Variants in ZNF761 observed in about 807,000 individuals in gnomAD.
ZNF761 encodes zinc finger protein 761.
In ZNF761, 43 loss-of-function variants were observed where a neutral mutation model predicts 59.9. The ratio of observed to expected loss-of-function variants is 0.72; its 90% confidence interval spans 0.56 to 0.92. The LOEUF is 0.92. Ranked by LOEUF, ZNF761 falls within the 40% of genes least tolerant of loss-of-function variation. The probability of loss-of-function intolerance (pLI) is 0.00; values close to 1 mark genes in which losing one functional copy is unlikely to be tolerated. For synonymous variants in ZNF761, 294 were observed against 304.8 expected, an observed-to-expected ratio of 0.96 and a Z score of 0.37; for missense variants, 850 against 906.1, an observed-to-expected ratio of 0.94 and a Z score of 0.79.
At chr19:53,435,709 G>T (rs931069789) in intron 1 of ZNF761, among the ~76,000 whole-genome samples, 5 of 151,878 alleles carry the variant, frequency 3.3e-5, no homozygotes, top group African/African-American at 1.2e-4. Context: ...TGTACAGTGG[G>T]GACACATTTC....
chr19:53,433,171 G>A (rs527931546), intron 1 of ZNF761, among the ~76,000 whole-genome samples: 4 of 152,080 alleles, frequency 2.6e-5, no homozygotes, highest in South Asian at 2.1e-4. Flanking sequence ...TTTAAGATAC[G>A]CACCGGCTCA....
At position 53,448,892 on chromosome 19, in the gene ZNF761, C is replaced by T. The variant is rs538124555; in HGVS notation, c.16-620C>T. 2.0e-5 allele frequency among the ~76,000 whole-genome samples: 3 copies of T among 152,130 alleles called. No homozygotes were observed. The East Asian group carries it at 5.8e-4, about 29-fold the overall frequency. Reference sequence around the variant, plus strand: ...GGATCAAGCAATTCTCCTGCATCAGCCTCCCATGTAGCTGGGATAACAGGC... The same window carrying T: ...GGATCAAGCAATTCTCCTGCATCAGTCTCCCATGTAGCTGGGATAACAGGC... On this transcript the variant is annotated intron_variant, in intron 3 of 4. Transcript: ENST00000684525.
rs751402595 is a variant in ZNF761 at position 53,454,715 on chromosome 19, C to T, written c.208C>T (p.His70Tyr). The change falls in exon 5 of 5, where the codon CAT (histidine) becomes TAT (tyrosine). Residue 70 changes from histidine to tyrosine, a missense_variant. By Grantham distance (83) the His-to-Tyr change is moderately conservative. Transcript: ENST00000684525. Reference sequence around the variant, plus strand: ...AGCGCAAGGCAACAGAGAAGTGTTCCATGCAGGGACATTGCAAATACATGA... The same window carrying T: ...AGCGCAAGGCAACAGAGAAGTGTTCTATGCAGGGACATTGCAAATACATGA... The part of the protein sequence containing the change: ...STAQGNREVF[H>Y]AGTLQIHESH... The T allele has an allele frequency of 6.2e-7, 1 of 1,613,744 alleles. No homozygotes were observed. Among genetic ancestry groups the T allele is most frequent in the East Asian group, 2.2e-5 (1 of 44,880 alleles).
At chr19:53,451,331 G>A (rs1417753980) in intron 4 of ZNF761, among the ~76,000 whole-genome samples, 3 of 151,856 alleles carry the variant, frequency 2.0e-5, no homozygotes, top group Non-Finnish European at 4.4e-5. Flanking sequence ...CTGCCTCAGT[G>A]TCATGAGTAG....
chr19:53,445,962 T>TCTGC (rs1379197429), intron 1 of ZNF761, among the ~76,000 whole-genome samples: 1 of 152,200 alleles, frequency 6.6e-6, no homozygotes, highest in Non-Finnish European at 1.5e-5. Flanking sequence ...CATGACTCCC[T>TCTGC]CTGCCCCAGT....
At chr19:53,445,996 A>G (rs1190983701) in intron 1 of ZNF761, among the ~76,000 whole-genome samples, 1 of 152,142 alleles carries the variant, frequency 6.6e-6, no homozygotes, top group East Asian at 1.9e-4. Context: ...CTGTTTTCCC[A>G]GATATCAAAA....
At chr19:53,441,744 G>A (rs866922154) in intron 1 of ZNF761, 119 of 743,844 alleles carry the variant, frequency 1.6e-4, no homozygotes, top group Non-Finnish European at 2.1e-4. Context: ...GACCATGCCC[G>A]GCTGAGATAA....
chr19:53,439,641 C>T (rs1423354077), intron 1 of ZNF761, among the ~76,000 whole-genome samples: 2 of 152,142 alleles, frequency 1.3e-5, no homozygotes, highest in Admixed American at 6.5e-5. Context: ...TCAAAGTATA[C>T]GGGTTGGGTA....
intron 1 of ZNF761, among the ~76,000 whole-genome samples, chr19:53,435,538 G>A (rs532314133): frequency 1.3e-5 from 2 of 152,028 alleles, no homozygotes; most frequent in East Asian, 3.9e-4. Context: ...CCCGACCTCA[G>A]GTGATCCACC....
chr19:53,434,910 T>C (rs1343586517), intron 1 of ZNF761, among the ~76,000 whole-genome samples: 3 of 152,168 alleles, frequency 2.0e-5, no homozygotes, highest in Non-Finnish European at 4.4e-5. Flanking sequence ...TAACTTCTGG[T>C]CTACATGCTT....
chr19:53,453,795 C>G (rs2086241025), intron 4 of ZNF761, among the ~76,000 whole-genome samples: 1 of 152,068 alleles, frequency 6.6e-6, no homozygotes. Flanking sequence ...AGAATGGCTT[C>G]AACCCAAAAG....
intron 4 of ZNF761, among the ~76,000 whole-genome samples, chr19:53,453,761 A>C (rs2086240865): frequency 6.6e-6 from 1 of 152,152 alleles, no homozygotes; most frequent in African/African-American, 2.4e-5. Flanking sequence ...CTGTAATCCC[A>C]GGTACTCAGG....
chr19:53,454,981 G>C lies in ZNF761; in HGVS notation c.474G>C (p.Glu158Asp), dbSNP rs1343953149. The C allele has an allele frequency of 6.2e-7, 1 of 1,614,168 alleles. No individual in the cohort carries two copies. Among genetic ancestry groups the C allele is most frequent in the East Asian group, 2.2e-5 (1 of 44,870 alleles). The part of the protein sequence containing the change: ...LPEMHIFQTE[E>D]KIDNQVVKSV... ...AAATGCACATATTTCAGACCGAAGA[G>C]AAAATTGATAATCAAGTTGTGAAGT... Residue 158 changes from glutamate to aspartate, a missense_variant, in exon 5 of 5, where the codon GAG becomes GAC. By Grantham distance (45) the Glu-to-Asp change is conservative. Coordinates refer to ENST00000684525, the MANE Select transcript of ZNF761 (RefSeq NM_001289951.2).
At chr19:53,450,640 TGTCGCCAAGGCTACA>T (rs371622266) in intron 4 of ZNF761, among the ~76,000 whole-genome samples, 3 of 152,180 alleles carry the variant, frequency 2.0e-5, no homozygotes, top group African/African-American at 7.2e-5. Context: ...AGTCTCACTC[TGTCGCCAAGGCTACA>T]GTTCAGTGGT....
Position 53,436,446 on chromosome 19 carries a change from C to T in ZNF761, c.-185+4418C>T, listed in dbSNP as rs188598043. Among the ~76,000 whole-genome samples, 10 of 152,184 alleles carry T rather than the reference C, an allele frequency of 6.6e-5. No homozygotes were observed. In the East Asian group the frequency reaches 1.5e-3, roughly 24 times the overall value. On this transcript the variant is annotated intron_variant, in intron 1 of 4. Transcript: ENST00000684525. ...AATTTGACTTATGATTAGGGCAGGC[C>T]GACTGAACAAACTCTAATAAGGTGA... is the stretch of plus-strand genomic sequence containing the variant.
In ZNF761 at chr19:53,455,611, C is replaced by T; in HGVS notation, c.1104C>T (p.Ser368=). The change falls in exon 5 of 5, where the codon TCC becomes TCT. Residue 368 remains serine, a synonymous_variant. Coordinates refer to ENST00000684525, the MANE Select transcript of ZNF761 (RefSeq NM_001289951.2). ...ECGKTFSHKS[S]LTCHHRLHTG... ...GCAAGACCTTTAGTCACAAGTCATC[C>T]CTTACATGCCATCATAGACTTCATA... 6.2e-7 allele frequency: 1 copy of T among 1,613,820 alleles called. No individual in the cohort carries two copies. Among genetic ancestry groups the T allele is most frequent in the South Asian group, 1.1e-5 (1 of 91,054 alleles).
intron 1 of ZNF761, among the ~76,000 whole-genome samples, chr19:53,434,493 G>T (rs989636617): frequency 1.3e-5 from 2 of 152,136 alleles, no homozygotes; most frequent in Admixed American, 6.6e-5. Flanking sequence ...GCTGATACTA[G>T]GTGTGGTTTA....
In ZNF761 at chr19:53,454,735, A is replaced by G. The variant is rs2086248853; in HGVS notation, c.228A>G (p.Ile76Met). ...TGTTCCATGCAGGGACATTGCAAAT[A>G]CATGAAAGTCATCACAATGGAGATT... ...REVFHAGTLQIHESHHNGDFC... is the reference protein window; with the variant it reads ...REVFHAGTLQMHESHHNGDFC... Residue 76 changes from isoleucine to methionine, a missense_variant, in exon 5 of 5, where the codon ATA (isoleucine) becomes ATG (methionine). Ile to Met is a conservative substitution (Grantham distance 10). Transcript: ENST00000684525. 6.2e-7 allele frequency: 1 copy of G among 1,614,074 alleles called. No homozygotes were observed. Among genetic ancestry groups the G allele is most frequent in the East Asian group, 2.2e-5 (1 of 44,890 alleles).
Position 53,456,284 on chromosome 19 carries a change from C to T in ZNF761, c.1777C>T (p.Leu593Phe), listed in dbSNP as rs1233870964. 2 of 1,610,638 alleles carry T rather than the reference C, an allele frequency of 1.2e-6. No individual in the cohort carries two copies. The highest frequency in any genetic ancestry group is 4.5e-5 in the East Asian group (2 of 44,754). The change falls in exon 5 of 5, where the codon CTT becomes TTT. Residue 593 changes from leucine (L) to phenylalanine (F), a missense_variant. By Grantham distance (22) the Leu-to-Phe change is conservative (BLOSUM62 0). Transcript: ENST00000684525. ...SDKAYSFKSN[L>F]EIHQKIHTEE... ...CAAAGCTTACAGTTTCAAATCAAAC[C>T]TTGAAATACATCAGAAAATTCATAC...
Sources: gnomAD v4.1 joint callset for allele counts (sites outside exome capture counted in the v4.1 genomes callset) on GRCh38, gnomAD v4.1.1 for gene constraint, MANE v1.5 for transcripts, NCBI Gene and HGNC (gene_info 2026-07-23, HGNC 2026-07-21) for gene names.